NFRKB: variants seen among roughly 807,000 people sequenced by gnomAD.
NFRKB encodes the protein nuclear factor related to kappa-B-binding protein.
NFRKB carries 62 observed loss-of-function variants against 135.7 expected under a neutral mutation model. That is an observed-to-expected ratio of 0.46 (90% CI 0.37 to 0.56). The LOEUF (loss-of-function observed/expected upper bound fraction) is 0.56, where lower values mean the gene tolerates loss of function less well. Ranked by LOEUF, NFRKB falls within the 20% of genes least tolerant of loss-of-function variation. NFRKB has a pLI of 0.00. For synonymous variants in NFRKB, 678 were observed against 635.6 expected, an observed-to-expected ratio of 1.07 and a Z score of -1.00; for missense variants, 1,545 against 1,662.0, an observed-to-expected ratio of 0.93 and a Z score of 1.22.
chr11:129,883,138 C>G lies in NFRKB; in HGVS notation c.885G>C (p.Arg295Ser). The G allele has an allele frequency of 6.2e-7, 1 of 1,614,142 alleles. No individual in the cohort carries two copies. Among genetic ancestry groups the G allele is most frequent in the Non-Finnish European group, 8.5e-7 (1 of 1,180,028 alleles). Residue 295 changes from arginine to serine, a missense_variant, in exon 9 of 27, where the codon AGG becomes AGC. By Grantham distance (110) the Arg-to-Ser change is moderately radical. This residue lies in a region of NFRKB where 678 missense variants were observed against 646.7 expected (regional missense o/e 1.05). Coordinates refer to ENST00000682444, the MANE Select transcript of NFRKB (RefSeq NM_001143835.2). ...NDIMTRVNAGRKGSLAALYDL... is the reference protein window; with the variant it reads ...NDIMTRVNAGSKGSLAALYDL... ...GTCATTTACCTGCCAGAGAGCCCTT[C>G]CTGCCAGCATTTACTCGAGTCATGA...
rs960330231 is a variant in NFRKB, at chr11:129,884,734, T to C, written c.742+11A>G. 1.9e-6 allele frequency: 3 copies of C among 1,613,226 alleles called. No individual in the cohort carries two copies. The highest frequency in any genetic ancestry group is 2.7e-5 in the African/African-American group (2 of 74,918). ...GTCCCAGAATGGTGACAGCGGCAGC[T>C]TGGTTCTCACCTGCAGTTTTCATAT... On this transcript the variant is annotated intron_variant, in intron 7 of 26. Coordinates refer to ENST00000682444, the MANE Select transcript of NFRKB (RefSeq NM_001143835.2).
At chr11:129,891,041 T>G (rs1949537531) in intron 3 of NFRKB, among the ~76,000 whole-genome samples, 1 of 152,254 alleles carries the variant, frequency 6.6e-6, no homozygotes, top group Admixed American at 6.5e-5. Context: ...GAACTGTTTT[T>G]GGTAGAAAAT....
intron 13 of NFRKB, among the ~76,000 whole-genome samples, chr11:129,879,604 G>C (rs960113450): frequency 6.6e-6 from 1 of 152,150 alleles, no homozygotes; most frequent in African/African-American, 2.4e-5. Flanking sequence ...AGGCGATCCG[G>C]TCTCCTGGCT....
At chr11:129,865,415 T>C (rs896804080) in intron 25 of NFRKB, among the ~76,000 whole-genome samples, 2 of 152,154 alleles carry the variant, frequency 1.3e-5, no homozygotes, top group Non-Finnish European at 2.9e-5. Context: ...CTCCCCCTAA[T>C]AGCCACATCT....
At chr11:129,884,961 G>A in intron 6 of NFRKB, 115 bp from the exon 7 acceptor site, 3 of 1,504,182 alleles carry the variant, frequency 2.0e-6, no homozygotes, top group Non-Finnish European at 2.7e-6. Flanking sequence ...GGAGGCCAGG[G>A]TTCCACAATC....
At position 129,865,733 on chromosome 11, in the gene NFRKB, C is replaced by T. The variant is rs1297897390; in HGVS notation, c.3638+144G>A. The T allele has an allele frequency of 4.4e-6, 3 of 675,876 alleles. No individual in the cohort carries two copies. The Admixed American group carries it at 7.0e-5, about 16-fold the overall frequency. 41.9% of individuals were successfully genotyped at this position (675,876 alleles called of 1,614,324 possible). ...AACAATACTGGATGCTCAATAAATA[C>T]TGTTGATGAGCACAATAAAGCAGAG... On this transcript the variant is annotated intron_variant, in intron 25 of 26. Transcript: ENST00000682444.
At position 129,874,937 on chromosome 11, in the gene NFRKB, A is replaced by G; in HGVS notation, c.1855-21T>C. On this transcript the variant is annotated intron_variant, in intron 18 of 26. Transcript: ENST00000682444. This position sits in a 1 kb window ranked among gnomAD's most constrained non-coding sequence, Gnocchi z 4.5. ...TTTACCTACAAATCAGACAAAGGGA[A>G]ATAAGAAACAAGTCAAGCTTAGATA... 6.2e-7 allele frequency: 1 copy of G among 1,613,594 alleles called. No individual in the cohort carries two copies. Among genetic ancestry groups the G allele is most frequent in the Non-Finnish European group, 8.5e-7 (1 of 1,179,594 alleles).
intron 2 of NFRKB, among the ~76,000 whole-genome samples, chr11:129,893,543 G>C (rs1414533154): frequency 1.4e-5 from 2 of 147,256 alleles, no homozygotes; most frequent in Non-Finnish European, 3.0e-5. Flanking sequence ...CTGGGCAACA[G>C]AGACCCTGTC....
Position 129,874,607 on chromosome 11 carries a change from C to T in NFRKB, c.1979-27G>A. The T allele has an allele frequency of 6.2e-7, 1 of 1,612,776 alleles. No homozygotes were observed. The highest frequency in any genetic ancestry group is 8.5e-7 in the Non-Finnish European group (1 of 1,179,490). ...TGTGAACAAGAGGGGCAAGCTTCAGCCAGAGTTTAACCTTAGCAAACTAAA... is the reference window on the plus strand; with the variant it reads ...TGTGAACAAGAGGGGCAAGCTTCAGTCAGAGTTTAACCTTAGCAAACTAAA... On this transcript the variant is annotated intron_variant, in intron 19 of 26. Coordinates refer to ENST00000682444, the MANE Select transcript of NFRKB (RefSeq NM_001143835.2). This position sits in a 1 kb window ranked among gnomAD's most constrained non-coding sequence, Gnocchi z 4.5.
At chr11:129,885,397 C>T in intron 6 of NFRKB, 38 bp downstream of exon 6, 2 of 1,573,878 alleles carry the variant, frequency 1.3e-6, no homozygotes, top group South Asian at 1.2e-5. Context: ...GGTATCCATC[C>T]AATACCCCAG....
At chr11:129,886,713 T>A (rs1047529814) in intron 4 of NFRKB, among the ~76,000 whole-genome samples, 1 of 152,126 alleles carries the variant, frequency 6.6e-6, no homozygotes, top group Non-Finnish European at 1.5e-5. Flanking sequence ...TGGGTCAGAG[T>A]GGAATATGCA....
chr11:129,871,003 C>G (rs1259249091), intron 23 of NFRKB, among the ~76,000 whole-genome samples: 1 of 152,164 alleles, frequency 6.6e-6, no homozygotes, highest in Non-Finnish European at 1.5e-5. Context: ...ATATAATCAC[C>G]CCTTGGTATG....
intron 1 of NFRKB, 119 bp from the exon 2 acceptor site, chr11:129,894,557 C>T (rs988560221): frequency 1.3e-5 from 2 of 152,202 alleles, no homozygotes; most frequent in African/African-American, 4.8e-5. Flanking sequence ...TAAAATGAAG[C>T]ATGTTCCACT....
At position 129,869,503 on chromosome 11, in the gene NFRKB, C is replaced by G; in HGVS notation, c.3522G>C (p.Thr1174=). 6.2e-7 allele frequency: 1 copy of G among 1,608,786 alleles called. No homozygotes were observed. The highest frequency in any genetic ancestry group is 8.5e-7 in the Non-Finnish European group (1 of 1,179,138). ...ACCACTAGTTACTCACAGCCTGGGA[C>G]GTGGACACAACCGTGGTGCTGACAG... is the stretch of plus-strand genomic sequence containing the variant. ...QVPVSTTVVS[T]SQAGKLPTRI... The change falls in exon 24 of 27, where the codon ACG becomes ACC. Residue 1174 remains threonine (T), a synonymous_variant. Coordinates refer to ENST00000682444, the MANE Select transcript of NFRKB (RefSeq NM_001143835.2).
intron 1 of NFRKB, among the ~76,000 whole-genome samples, chr11:129,895,005 A>G (rs902828767): frequency 1.3e-5 from 2 of 152,172 alleles, no homozygotes; most frequent in Non-Finnish European, 1.5e-5. Flanking sequence ...TCTGAACAGA[A>G]TCTCAAAATA....
chr11:129,874,221 G>A lies in NFRKB; in HGVS notation c.2171C>T (p.Thr724Ile). ...SMPPTPVTPV[T>I]PTTPALPAIP... is the part of the protein sequence containing the mutation. ...GGCGGGCAATGCTGGTGTGGTGGGG[G>A]TTACAGGTGTGACTGGGGTGGGTGG... The change falls in exon 21 of 27, where the codon ACC (threonine) becomes ATC (isoleucine). Residue 724 changes from threonine to isoleucine, a missense_variant. Around this residue, in one of 3 missense-constraint regions of NFRKB, gnomAD observed 753 missense variants for 804.3 expected, o/e 0.94. Transcript: ENST00000682444. The surrounding 1 kb of genome is among the most constrained non-coding windows in gnomAD (Gnocchi z 4.5). 1 of 1,519,810 alleles carries A rather than the reference G, an allele frequency of 6.6e-7. No homozygotes were observed. The highest frequency in any genetic ancestry group is 8.8e-7 in the Non-Finnish European group (1 of 1,136,612). The allele number at this position is 1,519,810 out of a possible 1,614,324, so 94.1% of individuals were successfully genotyped here. A position where few individuals can be genotyped will look rare whatever the true frequency, so the allele number is the denominator to read the frequency against.
At chr11:129,876,298 C>T (rs1948763194) in intron 17 of NFRKB, among the ~76,000 whole-genome samples, 1 of 152,200 alleles carries the variant, frequency 6.6e-6, no homozygotes, top group South Asian at 2.1e-4. Context: ...TTGATAACTA[C>T]TTCAAAACAA....
At chr11:129,892,605 T>C (rs978693149) in intron 3 of NFRKB, 110 bp downstream of exon 3, 7 of 1,165,594 alleles carry the variant, frequency 6.0e-6, no homozygotes, top group Non-Finnish European at 6.1e-6. Context: ...ATGTAGAAAA[T>C]GAACAAAAGG....
At position 129,876,795 on chromosome 11, in the gene NFRKB, G is replaced by A. The variant is rs780928619; in HGVS notation, c.1673C>T (p.Thr558Ile). 1 of 1,614,154 alleles carries A rather than the reference G, an allele frequency of 6.2e-7. No individual in the cohort carries two copies. Among genetic ancestry groups the A allele is most frequent in the South Asian group, 1.1e-5 (1 of 91,084 alleles). ...GPVKGVFDKE[T>I]SLNKAREHSL... ...GTGCTCCCGAGCCTTGTTGAGCGAG[G>A]TCTCCTTGTCAAACACGCCCTTCAC... Residue 558 changes from threonine (T) to isoleucine (I), a missense_variant, in exon 17 of 27, where the codon ACC (threonine) becomes ATC (isoleucine). Around this residue, in one of 3 missense-constraint regions of NFRKB, gnomAD observed 114 missense variants for 211.0 expected, o/e 0.54. Coordinates refer to ENST00000682444, the MANE Select transcript of NFRKB (RefSeq NM_001143835.2).
Sources: gnomAD v4.1 joint callset for allele counts (sites outside exome capture counted in the v4.1 genomes callset) on GRCh38, gnomAD v4.1.1 for gene constraint, gnomAD v4.1.1 regional missense constraint, Gnocchi (gnomAD v3.1) non-coding constraint, MANE v1.5 for transcripts, NCBI Gene and HGNC (gene_info 2026-07-23, HGNC 2026-07-21) for gene names.